The following CA10 variants were observed in gnomAD, a reference collection of about 807,000 sequenced individuals.
CA10 encodes the protein carbonic anhydrase-related protein 10.
Under a neutral mutation model 44.2 loss-of-function variants are expected in CA10, and 14 were observed. That is an observed-to-expected ratio of 0.32 (90% CI 0.21 to 0.50). CA10 has a LOEUF of 0.50. Among genes scored for constraint, CA10 ranks in the 20% least tolerant of loss-of-function variants. The pLI, the probability that CA10 is intolerant of heterozygous loss-of-function variation, is 0.99. For missense variants in CA10, 350 were observed against 409.7 expected (o/e 0.85, Z 1.26); for synonymous variants, 159 against 141.6 (o/e 1.12, Z -0.87).
chr17:51,937,433 C>G (rs1239528312), intron 2 of CA10, among the ~76,000 whole-genome samples: 2 of 152,022 alleles, frequency 1.3e-5, no homozygotes, highest in East Asian at 3.9e-4. Context: ...TTAAAGTTAA[C>G]CCCTTTGCTG....
In CA10 at chr17:51,979,148, C is replaced by T. The variant is rs576812054; in HGVS notation, c.137-48016G>A. On this transcript the variant is annotated intron_variant, in intron 2 of 8. Coordinates refer to ENST00000451037, the MANE Select transcript of CA10 (RefSeq NM_020178.5). The stretch of plus-strand genomic sequence containing the variant: ...CTTATGCCTCTCCAGATATAATTTC[C>T]GTGACCATACTGGAGTGAACCTTAA... 3.1e-4 allele frequency among the ~76,000 whole-genome samples: 47 copies of T among 152,108 alleles called. No homozygotes were observed. In the East Asian group the frequency reaches 4.8e-3, roughly 16 times the overall value.
chr17:51,731,355 G>A (rs1916711645), intron 4 of CA10, among the ~76,000 whole-genome samples: 1 of 152,128 alleles, frequency 6.6e-6, no homozygotes, highest in Admixed American at 6.6e-5. Context: ...CCAGCCTGGC[G>A]ACAGGACGAG....
chr17:51,874,959 T>C (rs1458394644), intron 3 of CA10, among the ~76,000 whole-genome samples: 2 of 66,560 alleles, frequency 3.0e-5, no homozygotes, highest in Admixed American at 2.8e-4. Flanking sequence ...TGTTTTTTTT[T>C]CTTTTTTTTC....
intron 2 of CA10, among the ~76,000 whole-genome samples, chr17:52,049,747 C>T (rs1824625676): frequency 6.6e-6 from 1 of 152,076 alleles, no homozygotes; most frequent in Non-Finnish European, 1.5e-5. Flanking sequence ...TTGAAAGTTT[C>T]ACAAGTGCAT....
chr17:51,811,734 C>T (rs4058465), intron 3 of CA10, among the ~76,000 whole-genome samples: 46,311 of 151,968 alleles, frequency 0.3, 8,565 homozygotes, highest in East Asian at 0.5. Context: ...TGAATAGTGC[C>T]GCAATAAACA....
At chr17:52,088,375 T>C (rs1988174351) in intron 1 of CA10, among the ~76,000 whole-genome samples, 1 of 151,820 alleles carries the variant, frequency 6.6e-6, no homozygotes, top group Non-Finnish European at 1.5e-5. Context: ...CTAAGAAATG[T>C]GTAACAATGA....
intron 2 of CA10, among the ~76,000 whole-genome samples, chr17:51,970,420 A>C (rs1277496396): frequency 6.6e-6 from 1 of 152,130 alleles, no homozygotes; most frequent in Non-Finnish European, 1.5e-5. Context: ...GAGGAATAAA[A>C]AGAGAATGGA....
chr17:52,130,668 G>A (rs556660425), intron 1 of CA10, among the ~76,000 whole-genome samples: 14 of 152,160 alleles, frequency 9.2e-5, no homozygotes, highest in African/African-American at 2.9e-4. Context: ...GGGAGATGGC[G>A]GTCAAAGGAT....
chr17:52,141,139 CAAA>C (rs1989469953), intron 1 of CA10, among the ~76,000 whole-genome samples: 1 of 152,198 alleles, frequency 6.6e-6, no homozygotes, highest in Non-Finnish European at 1.5e-5. Flanking sequence ...CATCCCAGCA[CAAA>C]CCATGCCTTA....
At chr17:51,902,005 C>T (rs9675273) in intron 3 of CA10, among the ~76,000 whole-genome samples, 16,170 of 152,118 alleles carry the variant, frequency 0.11, 1,148 homozygotes, top group African/African-American at 0.21. Context: ...CAGTATAGTA[C>T]TAATAGCTGC....
At chr17:51,881,757 T>C (rs1434351425) in intron 3 of CA10, among the ~76,000 whole-genome samples, 2 of 152,158 alleles carry the variant, frequency 1.3e-5, no homozygotes, top group East Asian at 3.8e-4. Flanking sequence ...TAAAGACTGG[T>C]AATATCCAGG....
chr17:52,013,901 A>T (rs1985886999), intron 2 of CA10, among the ~76,000 whole-genome samples: 1 of 152,000 alleles, frequency 6.6e-6, no homozygotes, highest in Non-Finnish European at 1.5e-5. Context: ...ACTGTGCTAC[A>T]CTGATCCAAT....
At chr17:51,910,252 A>G (rs749885245) in intron 3 of CA10, among the ~76,000 whole-genome samples, 1 of 152,124 alleles carries the variant, frequency 6.6e-6, no homozygotes, top group Non-Finnish European at 1.5e-5. Context: ...GCTCTTTCAG[A>G]AAACTTAATC....
At chr17:51,644,290 A>C (rs566999598) in intron 6 of CA10, among the ~76,000 whole-genome samples, 190 of 152,226 alleles carry the variant, frequency 1.2e-3, no homozygotes, top group Non-Finnish European at 2.4e-3. Context: ...TGTGTGCAGC[A>C]GCTCCCTGCA....
intron 1 of CA10, among the ~76,000 whole-genome samples, chr17:52,121,647 T>G (rs1567740077): frequency 7.3e-6 from 1 of 137,272 alleles, no homozygotes; most frequent in Non-Finnish European, 1.5e-5. Flanking sequence ...TGAGGGAATC[T>G]CTATCTATCT....
intron 3 of CA10, among the ~76,000 whole-genome samples, chr17:51,866,577 T>G (rs183907221): frequency 6.6e-6 from 1 of 152,356 alleles, no homozygotes; most frequent in Non-Finnish European, 1.5e-5. Context: ...TTAATTGCCC[T>G]TGCTCCTTCT....
chr17:51,880,743 T>C (rs1980324858), intron 3 of CA10, among the ~76,000 whole-genome samples: 1 of 152,022 alleles, frequency 6.6e-6, no homozygotes, highest in South Asian at 2.1e-4. Context: ...TCTGGTAAGT[T>C]TCAGTAATAA....
chr17:52,067,397 C>T (rs1315317813), intron 2 of CA10, among the ~76,000 whole-genome samples: 1 of 152,254 alleles, frequency 6.6e-6, no homozygotes, highest in African/African-American at 2.4e-5. Context: ...AACCTCTGCC[C>T]AGATTTTGGA....
intron 3 of CA10, among the ~76,000 whole-genome samples, chr17:51,806,088 C>A (rs1470435276): frequency 2.0e-5 from 3 of 152,180 alleles, no homozygotes; most frequent in African/African-American, 7.2e-5. Context: ...GGGTCCAGAA[C>A]CTTCAGAGCT....
Sources: gnomAD v4.1 joint callset for allele counts (sites outside exome capture counted in the v4.1 genomes callset) on GRCh38, gnomAD v4.1.1 for gene constraint, MANE v1.5 for transcripts, NCBI Gene and HGNC (gene_info 2026-07-23, HGNC 2026-07-21) for gene names.